The following CCDC178 variants were observed in gnomAD, a reference collection of about 807,000 sequenced individuals.
The protein encoded by CCDC178 is coiled-coil domain containing 178.
Under a neutral mutation model 117.4 loss-of-function variants are expected in CCDC178, and 126 were observed. The observed-to-expected ratio is 1.07, with a 90% CI of 0.93 to 1.24. The LOEUF (loss-of-function observed/expected upper bound fraction) is 1.24. CCDC178 is among the 50% of genes most tolerant of loss of function. The pLI is 0.00. For synonymous variants in CCDC178, 283 were observed against 313.4 expected (o/e 0.90, Z 1.02); for missense variants, 1,030 against 986.9 (o/e 1.04, Z -0.59).
At chr18:33,404,031 T>G (rs937480151) in intron 3 of CCDC178, among the ~76,000 whole-genome samples, 16 of 152,238 alleles carry the variant, frequency 1.1e-4, no homozygotes, top group South Asian at 4.1e-4. Flanking sequence ...CAAGGGAAAC[T>G]ACCTTAACAG....
At position 33,331,970 on chromosome 18, in the gene CCDC178, A is replaced by G. The variant is rs116948987; in HGVS notation, c.879+1204T>C. Among the ~76,000 whole-genome samples, 545 of 152,316 alleles carry G rather than the reference A, an allele frequency of 3.6e-3. 4 individuals are homozygous for G. Among genetic ancestry groups the G allele is most frequent in the Non-Finnish European group, 5.0e-3 (340 of 68,032 alleles). On this transcript the variant is annotated intron_variant, in intron 10 of 22. Coordinates refer to ENST00000383096, the MANE Select transcript of CCDC178 (RefSeq NM_001105528.4). ...AAGCAGTTTTGTTGCCAGATATTGGAAACAACTCAGATGGCCAACAGAAGA... is the reference window on the plus strand; with the variant it reads ...AAGCAGTTTTGTTGCCAGATATTGGGAACAACTCAGATGGCCAACAGAAGA...
intron 9 of CCDC178, among the ~76,000 whole-genome samples, chr18:33,334,494 CT>C (rs1267921730): frequency 6.6e-5 from 10 of 151,918 alleles, no homozygotes; most frequent in African/African-American, 2.4e-4. Context: ...ATTATTTTAA[CT>C]TTCTGGCATT....
chr18:33,279,897 A>T (rs1247528756), intron 12 of CCDC178, among the ~76,000 whole-genome samples: 14 of 152,182 alleles, frequency 9.2e-5, no homozygotes, highest in Admixed American at 9.2e-4. Context: ...CTGGCTAGCC[A>T]TATGTAGAAA....
chr18:33,402,525 C>T (rs2063722792), intron 3 of CCDC178, among the ~76,000 whole-genome samples: 1 of 152,150 alleles, frequency 6.6e-6, no homozygotes, highest in African/African-American at 2.4e-5. Context: ...TTATTCCCTG[C>T]AAGACTTCAC....
chr18:33,243,041 T>C (rs1041858232), intron 15 of CCDC178, among the ~76,000 whole-genome samples: 3 of 151,890 alleles, frequency 2.0e-5, no homozygotes, highest in Non-Finnish European at 4.4e-5. Context: ...GAAAGTGGTA[T>C]ATATACACAA....
chr18:33,392,484 C>A (rs2063576543), intron 4 of CCDC178, among the ~76,000 whole-genome samples: 1 of 152,144 alleles, frequency 6.6e-6, no homozygotes, highest in South Asian at 2.1e-4. Context: ...GTACCCCAAC[C>A]AGTGATTTGG....
chr18:33,067,712 G>T (rs1314375012), intron 21 of CCDC178, among the ~76,000 whole-genome samples: 3 of 151,956 alleles, frequency 2.0e-5, no homozygotes, highest in African/African-American at 4.8e-5. Flanking sequence ...GCGTGGTGGG[G>T]CATGCCTGTA....
chr18:33,184,593 G>T (rs1295334878), intron 20 of CCDC178, among the ~76,000 whole-genome samples: 1 of 151,996 alleles, frequency 6.6e-6, no homozygotes, highest in African/African-American at 2.4e-5. Flanking sequence ...ATAGAAAGTT[G>T]CTGCAGCCAA....
intron 20 of CCDC178, among the ~76,000 whole-genome samples, chr18:33,194,918 A>AG (rs1555659377): frequency 3.5e-4 from 50 of 144,302 alleles, no homozygotes; most frequent in Non-Finnish European, 5.2e-4. Context: ...AAAAAAAAAA[A>AG]AGAGAGAGAG....
chr18:33,373,019 TAA>T (rs564159588), intron 5 of CCDC178, among the ~76,000 whole-genome samples: 87 of 152,196 alleles, frequency 5.7e-4, no homozygotes, highest in Non-Finnish European at 9.1e-4. Context: ...AAATGTAACA[TAA>T]GTCAGTGCTC....
At chr18:33,314,884 G>C (rs2062395553) in intron 11 of CCDC178, among the ~76,000 whole-genome samples, 1 of 152,174 alleles carries the variant, frequency 6.6e-6, no homozygotes, top group Admixed American at 6.5e-5. Context: ...TAACCAAGCT[G>C]AATTGCTGTC....
intron 22 of CCDC178, chr18:32,956,852 G>GT (rs1335987160): frequency 2.0e-5 from 3 of 152,148 alleles, no homozygotes; most frequent in Non-Finnish European, 4.4e-5. Flanking sequence ...AGAAAGAACT[G>GT]TTTTTTCCAT....
At chr18:32,956,530 C>A (rs2054596639) in intron 22 of CCDC178, 1 of 152,100 alleles carries the variant, frequency 6.6e-6, no homozygotes, top group Admixed American at 6.6e-5. Context: ...GATAATAAAT[C>A]ATGTAAAATT....
At chr18:33,439,325 A>G (rs1346571564) in intron 2 of CCDC178, among the ~76,000 whole-genome samples, 1 of 150,924 alleles carries the variant, frequency 6.6e-6, no homozygotes, top group Non-Finnish European at 1.5e-5. Context: ...GTTGTGTTGA[A>G]TCTGAGGTGG....
At position 33,173,937 on chromosome 18, in the gene CCDC178, C is replaced by A. The variant is rs541236364; in HGVS notation, c.2238+37959G>T. 7.9e-5 allele frequency among the ~76,000 whole-genome samples: 12 copies of A among 152,116 alleles called. No individual in the cohort carries two copies. The South Asian group carries it at 2.5e-3, about 32-fold the overall frequency. On this transcript the variant is annotated intron_variant, in intron 20 of 22. Transcript: ENST00000383096. ...AAGGAGATTTACAATTGGCTTTTAC[C>A]AGAGAATAATATTAAGACACGGAGA...
chr18:33,056,402 G>A (rs2056830374), intron 21 of CCDC178, among the ~76,000 whole-genome samples: 1 of 152,192 alleles, frequency 6.6e-6, no homozygotes, highest in South Asian at 2.1e-4. Flanking sequence ...TTATGAACTG[G>A]AGTTGGCAAA....
intron 22 of CCDC178, among the ~76,000 whole-genome samples, chr18:32,951,295 C>T (rs2054477079): frequency 6.6e-6 from 1 of 152,120 alleles, no homozygotes; most frequent in South Asian, 2.1e-4. Flanking sequence ...CGTTCCTTCT[C>T]ATGCTGCTGT....
chr18:33,153,742 C>A (rs2058363916), intron 20 of CCDC178, among the ~76,000 whole-genome samples: 1 of 151,558 alleles, frequency 6.6e-6, no homozygotes, highest in Non-Finnish European at 1.5e-5. Context: ...AAATGTTCTT[C>A]AATAAAATAA....
intron 7 of CCDC178, among the ~76,000 whole-genome samples, chr18:33,356,022 T>C (rs1702803548): frequency 6.6e-6 from 1 of 152,166 alleles, no homozygotes; most frequent in Admixed American, 6.5e-5. Flanking sequence ...CTTCATTGAA[T>C]TTTCCCCTAG....
Sources: allele counts gnomAD v4.1 joint callset (sites outside exome capture counted in the v4.1 genomes callset), GRCh38; gene constraint gnomAD v4.1.1; transcripts MANE v1.5; gene names NCBI Gene and HGNC (gene_info 2026-07-23, HGNC 2026-07-21).